CAPG: variants seen among roughly 807,000 people sequenced by gnomAD.
CAPG encodes capping actin protein, gelsolin like.
A neutral mutation model predicts 44.6 loss-of-function variants in CAPG; 32 were observed. The observed-to-expected ratio is 0.72, with a 90% confidence interval of 0.54 to 0.96. The LOEUF (loss-of-function observed/expected upper bound fraction) is 0.96, where lower values mean the gene tolerates loss of function less well. Ranked by LOEUF, CAPG falls within the 50% of genes least tolerant of loss-of-function variation. The pLI is 0.00. For synonymous variants in CAPG, 175 were observed against 179.6 expected, an observed-to-expected ratio of 0.97 and a Z score of 0.20; for missense variants, 412 against 438.3, an observed-to-expected ratio of 0.94 and a Z score of 0.54.
intron 8 of CAPG, among the ~76,000 whole-genome samples, chr2:85,396,432 A>C: frequency 6.6e-6 from 1 of 152,076 alleles, no homozygotes; most frequent in East Asian, 1.9e-4. Flanking sequence ...CAAGGAAATG[A>C]TACCGAAACG....
chr2:85,402,398 G>A lies in CAPG; in HGVS notation c.-13-240C>T, dbSNP rs115262589. On this transcript the variant is annotated intron_variant, in intron 1 of 9. Transcript: ENST00000263867. ...TCTGACCCCTGGGCCAGGGTCTTCC[G>A]TCTGCTGAGATCTCACAGAAATTAA... 9.5e-3 allele frequency among the ~76,000 whole-genome samples: 1,452 copies of A among 152,212 alleles called. 10 individuals carry two copies. The highest frequency in any genetic ancestry group is 0.02 in the Admixed American group (301 of 15,296).
chr2:85,398,282 A>G, intron 7 of CAPG, 130 bp from the exon 8 acceptor site: 1 of 1,071,980 alleles, frequency 9.3e-7, no homozygotes, highest in African/African-American at 1.6e-5. Flanking sequence ...AGGTCCCAGG[A>G]GCAGACAAGA....
At chr2:85,404,159 T>C (rs552833256) in intron 1 of CAPG, among the ~76,000 whole-genome samples, 107 of 151,970 alleles carry the variant, frequency 7.0e-4, no homozygotes, top group African/African-American at 2.5e-3. Context: ...TTATACAATA[T>C]ATACACATAC....
chr2:85,398,806 G>T (rs1255748361), intron 6 of CAPG, 24 bp from the exon 7 acceptor site: 1 of 1,539,746 alleles, frequency 6.5e-7, no homozygotes, highest in Non-Finnish European at 8.8e-7. Flanking sequence ...GGCAGGCCAG[G>T]TTTATAGGGA....
rs2104809353 is a variant in CAPG at position 85,401,650 on chromosome 2, C to G, written c.230G>C (p.Cys77Ser). 1 of 1,614,210 alleles carries G rather than the reference C, an allele frequency of 6.2e-7. No individual in the cohort carries two copies. Reference protein sequence around the residue: ...QQSSRDEQGACAVLAVHLNTL... With the variant: ...QQSSRDEQGASAVLAVHLNTL... ...GTTGAGGTGCACAGCCAGCACGGCA[C>G]AGGCCCCCTGCTCATCCCGGGATGA... Residue 77 changes from cysteine (C) to serine (S), a missense_variant, in exon 4 of 10, where the codon TGT becomes TCT. Coordinates refer to ENST00000263867, the MANE Select transcript of CAPG (RefSeq NM_001747.4).
chr2:85,403,848 T>A (rs1334880766), intron 1 of CAPG, among the ~76,000 whole-genome samples: 4 of 141,504 alleles, frequency 2.8e-5, no homozygotes, highest in Non-Finnish European at 6.0e-5. Context: ...GCCCATGCCA[T>A]TGTACTCCAG....
upstream of CAPG, chr2:85,413,334 C>G (rs1687472274): frequency 6.6e-6 from 1 of 152,316 alleles, no homozygotes; most frequent in East Asian, 1.9e-4. Context: ...AATCCCAACA[C>G]TCTGGGAGGC....
At position 85,405,853 on chromosome 2, in the gene CAPG, C is replaced by G. The variant is rs76496614; in HGVS notation, c.-13-3695G>C. On this transcript the variant is annotated intron_variant, in intron 1 of 9. Transcript: ENST00000263867. The stretch of plus-strand genomic sequence containing the variant: ...GCCCAGCCTGTGACTCAGGCCTGAG[C>G]TGGTGAAGTGGCTGCCCCAAGCTCA... Among the ~76,000 whole-genome samples the G allele has an allele frequency of 1.5e-3, 234 of 152,308 alleles. 2 individuals are homozygous for G. In the East Asian group the frequency reaches 0.042, roughly 27 times the overall value.
intron 1 of CAPG, among the ~76,000 whole-genome samples, chr2:85,416,448 CG>C (rs901964582): frequency 6.6e-6 from 1 of 152,138 alleles, no homozygotes; most frequent in African/African-American, 2.4e-5. Context: ...TTCCTCATCA[CG>C]GGGGACTGAC....
At chr2:85,403,429 G>A (rs1248867154) in intron 1 of CAPG, among the ~76,000 whole-genome samples, 1 of 152,038 alleles carries the variant, frequency 6.6e-6, no homozygotes, top group Admixed American at 6.6e-5. Flanking sequence ...AATTTAAAAA[G>A]GACATAATAC....
chr2:85,410,057 G>C (rs1687350994), intron 1 of CAPG, among the ~76,000 whole-genome samples: 1 of 152,226 alleles, frequency 6.6e-6, no homozygotes, highest in Non-Finnish European at 1.5e-5. Flanking sequence ...TGCAGCATGG[G>C]CACAGCCCAC....
intron 1 of CAPG, among the ~76,000 whole-genome samples, chr2:85,404,987 AT>A: frequency 6.6e-6 from 1 of 151,884 alleles, no homozygotes; most frequent in Admixed American, 6.6e-5. Context: ...ATAGAAAGAA[AT>A]TTCCTTAACC....
At chr2:85,405,695 A>G (rs2104829223) in intron 1 of CAPG, among the ~76,000 whole-genome samples, 1 of 152,324 alleles carries the variant, frequency 6.6e-6, no homozygotes, top group Non-Finnish European at 1.5e-5. Context: ...CCTACAAAAT[A>G]GTGGAAGGCA....
downstream of CAPG, among the ~76,000 whole-genome samples, chr2:85,393,620 A>C (rs148855730): frequency 0.021 from 3,256 of 151,948 alleles, 117 homozygotes; most frequent in African/African-American, 0.074. Flanking sequence ...GCTGGAGTGC[A>C]GTGGTGCAAT....
chr2:85,414,738 C>G (rs1465125818), upstream of CAPG, among the ~76,000 whole-genome samples: 1 of 152,146 alleles, frequency 6.6e-6, no homozygotes, highest in African/African-American at 2.4e-5. Flanking sequence ...AACTGCTGAA[C>G]CAGGATTCTA....
At chr2:85,408,514 A>G (rs1417073652) in intron 1 of CAPG, among the ~76,000 whole-genome samples, 1 of 152,088 alleles carries the variant, frequency 6.6e-6, no homozygotes, top group Non-Finnish European at 1.5e-5. Flanking sequence ...AGCCTGTTTT[A>G]TAGCATAAAC....
chr2:85,416,319 C>T (rs1391971932), intron 1 of CAPG, among the ~76,000 whole-genome samples: 1 of 152,172 alleles, frequency 6.6e-6, no homozygotes, highest in African/African-American at 2.4e-5. Context: ...ACTACCCTGC[C>T]ATGTGGCCCT....
At position 85,401,699 on chromosome 2, in the gene CAPG, G is replaced by A. The variant is rs1686902136; in HGVS notation, c.197-16C>T. 2 of 1,614,100 alleles carry A rather than the reference G, an allele frequency of 1.2e-6. No individual in the cohort carries two copies. The highest frequency in any genetic ancestry group is 1.3e-5 in the African/African-American group (1 of 75,064). ...GACTGCTGGCCTGGGACAAGTGGGA[G>A]AGGGCAGGGCAAGGCCCTTGTGATC... On this transcript the variant is annotated splice_polypyrimidine_tract_variant and intron_variant, in intron 3 of 9. Transcript: ENST00000263867.
intron 5 of CAPG, among the ~76,000 whole-genome samples, chr2:85,399,490 G>A (rs1313375627): frequency 6.6e-6 from 1 of 152,168 alleles, no homozygotes; most frequent in Non-Finnish European, 1.5e-5. Flanking sequence ...CCTGCCATCT[G>A]TCTTCCTTTC....
Sources: gnomAD v4.1 joint callset for allele counts (sites outside exome capture counted in the v4.1 genomes callset) on GRCh38, gnomAD v4.1.1 for gene constraint, MANE v1.5 for transcripts, NCBI Gene and HGNC (gene_info 2026-07-23, HGNC 2026-07-21) for gene names.